The following PHF21A variants were observed in gnomAD, a reference collection of about 807,000 sequenced individuals.
The protein encoded by PHF21A is BHC80a.
Under a neutral mutation model 82.5 loss-of-function variants are expected in PHF21A, and 11 were observed. That is an observed-to-expected ratio of 0.13 (90% CI 0.08 to 0.22). The LOEUF (loss-of-function observed/expected upper bound fraction) is 0.22, where lower values mean the gene tolerates loss of function less well. Among genes scored for constraint, PHF21A ranks in the 10% least tolerant of loss-of-function variants. The pLI, the probability that PHF21A is intolerant of heterozygous loss-of-function variation, is 1.00. For synonymous variants in PHF21A, 297 were observed against 302.8 expected (o/e 0.98, Z 0.20); for missense variants, 579 against 837.8 (o/e 0.69, Z 3.81).
chr11:46,003,207 G>A (rs1328546444), intron 6 of PHF21A, among the ~76,000 whole-genome samples: 2 of 151,722 alleles, frequency 1.3e-5, no homozygotes, highest in East Asian at 3.9e-4. Flanking sequence ...GTATATGAGA[G>A]TGCCACTAAA....
At chr11:45,970,154 TA>T (rs2093666225) in intron 8 of PHF21A, 1 of 402,632 alleles carries the variant, frequency 2.5e-6, no homozygotes, top group Non-Finnish European at 4.5e-6. Flanking sequence ...GCAGGCTCAG[TA>T]AATCTTAGAC....
At chr11:46,068,415 A>T (rs974013530) in intron 6 of PHF21A, among the ~76,000 whole-genome samples, 1 of 152,174 alleles carries the variant, frequency 6.6e-6, no homozygotes, top group African/African-American at 2.4e-5. Context: ...AAAGCACATG[A>T]TATAGTAGAG....
At chr11:46,107,185 A>G (rs2097161201) in intron 1 of PHF21A, among the ~76,000 whole-genome samples, 1 of 152,200 alleles carries the variant, frequency 6.6e-6, no homozygotes. Context: ...CAACATGCAT[A>G]AAACACTAGT....
chr11:45,968,790 C>T (rs751035195), intron 9 of PHF21A, among the ~76,000 whole-genome samples: 15 of 151,848 alleles, frequency 9.9e-5, no homozygotes, highest in Non-Finnish European at 1.5e-4. Context: ...ATTAGCCGGG[C>T]GTGGTGGCAC....
intron 6 of PHF21A, among the ~76,000 whole-genome samples, chr11:46,073,653 TA>T (rs1243704481): frequency 6.6e-5 from 10 of 152,148 alleles, no homozygotes; most frequent in Non-Finnish European, 1.3e-4. Context: ...AAAATAAACA[TA>T]AAAATGGGAC....
intron 10 of PHF21A, among the ~76,000 whole-genome samples, chr11:45,958,423 T>A (rs868742563): frequency 0.072 from 667 of 9,214 alleles, 21 homozygotes; most frequent in East Asian, 0.19. Flanking sequence ...AAAAAAAATA[T>A]ATATATATAT....
intron 6 of PHF21A, among the ~76,000 whole-genome samples, chr11:46,068,147 T>C (rs532111422): frequency 1.3e-5 from 2 of 152,178 alleles, no homozygotes; most frequent in East Asian, 1.9e-4. Flanking sequence ...TCAGTGCTAA[T>C]GAGCTTGAAT....
chr11:46,023,413 T>C lies in PHF21A; in HGVS notation c.154-43447A>G, dbSNP rs1040308560. ...GTAACATTTCGGAACCAGACTACCA[T>C]TTGGGAAGTGCCAAAACCCATTTCC... On this transcript the variant is annotated intron_variant, in intron 6 of 18. Transcript: ENST00000676320. Among the ~76,000 whole-genome samples, 6 of 152,154 alleles carry C rather than the reference T, an allele frequency of 3.9e-5. No homozygotes were observed. In the South Asian group the frequency reaches 1.2e-3, roughly 32 times the overall value.
chr11:45,969,957 C>CAA, intron 8 of PHF21A, 53 bp from the exon 9 acceptor site: 1 of 1,126,222 alleles, frequency 8.9e-7, no homozygotes, highest in Non-Finnish European at 1.3e-6. Flanking sequence ...TCTTCAATAT[C>CAA]AAAGCTAGTA....
chr11:45,937,089 G>C (rs1354864737), intron 16 of PHF21A, among the ~76,000 whole-genome samples: 1 of 152,212 alleles, frequency 6.6e-6, no homozygotes, highest in South Asian at 2.1e-4. Context: ...AGCATCAGGA[G>C]GAGGACACTG....
chr11:46,007,857 C>T (rs1189121885), intron 6 of PHF21A, among the ~76,000 whole-genome samples: 1 of 152,196 alleles, frequency 6.6e-6, no homozygotes, highest in African/African-American at 2.4e-5. Flanking sequence ...ACTTTTCCAT[C>T]TTACTCCTAA....
chr11:45,980,037 C>T, intron 6 of PHF21A, 71 bp from the exon 7 acceptor site: 1 of 1,599,282 alleles, frequency 6.3e-7, no homozygotes, highest in East Asian at 2.3e-5. Context: ...GAAATATGCT[C>T]TGACATCTTT....
At chr11:45,935,519 G>A (rs773541231) in intron 18 of PHF21A, 117 bp downstream of exon 18, 34 of 723,364 alleles carry the variant, frequency 4.7e-5, no homozygotes, top group South Asian at 1.1e-4. Context: ...AGTTAATCAC[G>A]TTAATAAACA....
rs150108211 is a variant in PHF21A at position 46,100,120 on chromosome 11, C to T, written c.-236-7897G>A. Among the ~76,000 whole-genome samples the T allele has an allele frequency of 3.0e-3, 464 of 152,248 alleles. 2 individuals are homozygous for T. Among genetic ancestry groups the T allele is most frequent in the Admixed American group, 4.7e-3 (72 of 15,304 alleles). On this transcript the variant is annotated intron_variant, in intron 1 of 18. Transcript: ENST00000676320. ...AGGAGTCTGAAACATGCCTCAATCACGCTGATAAGTAAGTAGTCCTAAAAC... is the reference window on the plus strand; with the variant it reads ...AGGAGTCTGAAACATGCCTCAATCATGCTGATAAGTAAGTAGTCCTAAAAC...
chr11:45,977,856 TG>T (rs1368899445), intron 7 of PHF21A, among the ~76,000 whole-genome samples: 3 of 151,402 alleles, frequency 2.0e-5, no homozygotes, highest in Non-Finnish European at 4.4e-5. Context: ...TTTTTTTTTT[TG>T]GTATTGAATG....
At chr11:46,047,787 C>G (rs574861110) in intron 6 of PHF21A, among the ~76,000 whole-genome samples, 1 of 152,156 alleles carries the variant, frequency 6.6e-6, no homozygotes, top group South Asian at 2.1e-4. Context: ...ATGGTGAGGT[C>G]CAGTGGGGAT....
intron 6 of PHF21A, among the ~76,000 whole-genome samples, chr11:46,031,129 CAG>C (rs2095859899): frequency 1.3e-5 from 2 of 152,158 alleles, no homozygotes; most frequent in African/African-American, 4.8e-5. Context: ...CTCAAAGCCT[CAG>C]AGTCACTTAT....
chr11:46,041,805 C>T (rs2096147202), intron 6 of PHF21A, among the ~76,000 whole-genome samples: 1 of 152,140 alleles, frequency 6.6e-6, no homozygotes, highest in Admixed American at 6.5e-5. Flanking sequence ...CATCTTTCTT[C>T]TCCCATGAAC....
At chr11:45,982,729 C>A (rs2094348521) in intron 6 of PHF21A, among the ~76,000 whole-genome samples, 1 of 152,100 alleles carries the variant, frequency 6.6e-6, no homozygotes, top group Non-Finnish European at 1.5e-5. Context: ...AGCTAACGTG[C>A]AGCATCAGCA....
Sources: gnomAD v4.1 joint callset for allele counts (sites outside exome capture counted in the v4.1 genomes callset) on GRCh38, gnomAD v4.1.1 for gene constraint, MANE v1.5 for transcripts, NCBI Gene and HGNC (gene_info 2026-07-23, HGNC 2026-07-21) for gene names.